Variants in CDYL2 observed in about 807,000 individuals in gnomAD.
The protein encoded by CDYL2 is chromodomain Y like 2.
A neutral mutation model predicts 49.4 loss-of-function variants in CDYL2; 23 were observed. The observed-to-expected ratio is 0.47, with a 90% CI of 0.34 to 0.66. The LOEUF is 0.66. Ranked by LOEUF, CDYL2 falls within the 30% of genes least tolerant of loss-of-function variation. The pLI is 0.01. For synonymous variants in CDYL2, 360 were observed against 268.8 expected (o/e 1.34, Z -3.32); for missense variants, 678 against 656.4 (o/e 1.03, Z -0.36).
chr16:80,630,075 C>T (rs1907488965), intron 3 of CDYL2, among the ~76,000 whole-genome samples: 1 of 152,216 alleles, frequency 6.6e-6, no homozygotes, highest in Non-Finnish European at 1.5e-5. Context: ...AACCTGTATT[C>T]CTCCTCTCAC....
intron 1 of CDYL2, among the ~76,000 whole-genome samples, chr16:80,768,423 G>A (rs1471723895): frequency 6.6e-6 from 1 of 152,222 alleles, no homozygotes; most frequent in Non-Finnish European, 1.5e-5. Flanking sequence ...ACCATAGACT[G>A]TGTGATATGT....
chr16:80,773,157 A>G (rs1167425618), intron 1 of CDYL2, among the ~76,000 whole-genome samples: 2 of 152,216 alleles, frequency 1.3e-5, no homozygotes, highest in Non-Finnish European at 2.9e-5. Context: ...ATGTAGCTGT[A>G]CTAATATCAG....
At chr16:80,675,003 C>A (rs777830061) in intron 2 of CDYL2, among the ~76,000 whole-genome samples, 2 of 152,124 alleles carry the variant, frequency 1.3e-5, no homozygotes, top group South Asian at 4.1e-4. Flanking sequence ...TATGTACATG[C>A]ATACATGTGT....
chr16:80,606,386 G>C (rs1042808552), intron 6 of CDYL2, among the ~76,000 whole-genome samples: 4 of 152,140 alleles, frequency 2.6e-5, no homozygotes, highest in Admixed American at 2.6e-4. Flanking sequence ...TTCAACACTT[G>C]GTTTCACCTG....
intron 1 of CDYL2, among the ~76,000 whole-genome samples, chr16:80,692,101 GA>G (rs1910440129): frequency 6.6e-6 from 1 of 152,068 alleles, no homozygotes. Context: ...CCAACAAAGA[GA>G]AAAAAATCTA....
intron 1 of CDYL2, among the ~76,000 whole-genome samples, chr16:80,756,369 T>TTTAACAAGGGAATTTG (rs1906310512): frequency 6.6e-6 from 1 of 152,112 alleles, no homozygotes; most frequent in East Asian, 1.9e-4. Context: ...ATGAGGAATA[T>TTTAACAAGGGAATTTG]TTAACAAGGG....
intron 1 of CDYL2, among the ~76,000 whole-genome samples, chr16:80,729,009 A>C (rs1905247625): frequency 6.6e-6 from 1 of 152,118 alleles, no homozygotes; most frequent in African/African-American, 2.4e-5. Context: ...GCCAAAATGT[A>C]AAGACCATCG....
intron 2 of CDYL2, among the ~76,000 whole-genome samples, chr16:80,665,043 G>A (rs1012520769): frequency 6.6e-6 from 1 of 152,132 alleles, no homozygotes; most frequent in Non-Finnish European, 1.5e-5. Context: ...GGCATGCTGA[G>A]ACCTGCTTCT....
chr16:80,635,693 T>TAGTTACC (rs1331798157), intron 2 of CDYL2, among the ~76,000 whole-genome samples: 4 of 152,130 alleles, frequency 2.6e-5, no homozygotes, highest in Non-Finnish European at 5.9e-5. Context: ...TGAATTTCTT[T>TAGTTACC]ACAGAATTAG....
intron 1 of CDYL2, among the ~76,000 whole-genome samples, chr16:80,725,795 C>T (rs1231714095): frequency 6.6e-6 from 1 of 152,210 alleles, no homozygotes; most frequent in Non-Finnish European, 1.5e-5. Context: ...GCCCGCTATT[C>T]AAGAGGACTG....
chr16:80,728,895 A>C (rs1337673741), intron 1 of CDYL2, among the ~76,000 whole-genome samples: 1 of 151,688 alleles, frequency 6.6e-6, no homozygotes, highest in Non-Finnish European at 1.5e-5. Flanking sequence ...ACAGACAAGC[A>C]AATGCTGAGA....
intron 1 of CDYL2, among the ~76,000 whole-genome samples, chr16:80,724,593 A>G (rs1304887484): frequency 6.6e-6 from 1 of 152,206 alleles, no homozygotes; most frequent in African/African-American, 2.4e-5. Flanking sequence ...CCTGGCATGA[A>G]CTATATCAGT....
chr16:80,801,085 C>T (rs1420127041), intron 1 of CDYL2, among the ~76,000 whole-genome samples: 1 of 152,252 alleles, frequency 6.6e-6, no homozygotes. Flanking sequence ...GGCTCACAGG[C>T]TGCCACTCCA....
At chr16:80,693,225 T>C (rs895481824) in intron 1 of CDYL2, among the ~76,000 whole-genome samples, 2 of 152,106 alleles carry the variant, frequency 1.3e-5, no homozygotes, top group African/African-American at 4.8e-5. Flanking sequence ...CGTGGTGAGG[T>C]ATACATCTGT....
intron 1 of CDYL2, among the ~76,000 whole-genome samples, chr16:80,734,617 G>A (rs562742872): frequency 6.6e-6 from 1 of 152,116 alleles, no homozygotes; most frequent in Admixed American, 6.6e-5. Flanking sequence ...ACAATTAAAG[G>A]CATGGGGCTT....
chr16:80,627,366 G>C (rs557393737), intron 3 of CDYL2, among the ~76,000 whole-genome samples: 1 of 151,802 alleles, frequency 6.6e-6, no homozygotes, highest in East Asian at 1.9e-4. Context: ...AGCTTCTCTG[G>C]CTAAGGCCAT....
intron 3 of CDYL2, 108 bp from the exon 4 acceptor site, chr16:80,621,043 G>C: frequency 8.0e-7 from 1 of 1,256,824 alleles, no homozygotes; most frequent in Non-Finnish European, 1.1e-6. Flanking sequence ...GTAGAGGCCA[G>C]GGAATCTGCT....
intron 1 of CDYL2, among the ~76,000 whole-genome samples, chr16:80,761,286 T>C (rs1041854783): frequency 7.2e-5 from 11 of 152,228 alleles, no homozygotes; most frequent in African/African-American, 2.7e-4. Context: ...GGTTCCAATC[T>C]ATCACTGAGG....
intron 2 of CDYL2, among the ~76,000 whole-genome samples, chr16:80,669,625 G>C (rs375813857): frequency 6.6e-6 from 1 of 152,152 alleles, no homozygotes; most frequent in Non-Finnish European, 1.5e-5. Context: ...GACATCGAGA[G>C]AGGCCAAGCA....
Sources: allele counts gnomAD v4.1 joint callset (sites outside exome capture counted in the v4.1 genomes callset), GRCh38; gene constraint gnomAD v4.1.1; transcripts MANE v1.5; gene names NCBI Gene and HGNC (gene_info 2026-07-23, HGNC 2026-07-21).